Variants in TENM1 observed in about 807,000 individuals in gnomAD.
The protein encoded by TENM1 is teneurin transmembrane protein 1, also known as teneurin-1.
A neutral mutation model predicts 174.8 loss-of-function variants in TENM1; 35 were observed. The ratio of observed to expected loss-of-function variants is 0.20; its 90% CI spans 0.15 to 0.27. The LOEUF is 0.27. Ranked by LOEUF, TENM1 falls within the 10% of genes least tolerant of loss-of-function variation. The pLI, the probability that TENM1 is intolerant of heterozygous loss-of-function variation, is 1.00. For missense variants in TENM1, 1,633 were observed against 2,130.1 expected (o/e 0.77, Z 4.59); for synonymous variants, 781 against 798.7 (o/e 0.98, Z 0.37).
chrX:124,920,501 A>T (rs946921857), intron 1 of TENM1, among the ~76,000 whole-genome samples: 1 of 111,011 alleles, frequency 9.0e-6, no homozygotes, highest in Non-Finnish European at 1.9e-5. Flanking sequence ...ACCTTTCTGC[A>T]CTCTTGCTTT....
chrX:124,555,559 A>G (rs998936433), intron 14 of TENM1, among the ~76,000 whole-genome samples: 1 of 111,811 alleles, frequency 8.9e-6, no homozygotes, highest in Non-Finnish European at 1.9e-5. Context: ...ACTAAGAAGG[A>G]TAAGGCATCA....
At chrX:124,626,585 T>G (rs1258896112) in intron 11 of TENM1, among the ~76,000 whole-genome samples, 1 of 112,142 alleles carries the variant, frequency 8.9e-6, no homozygotes, top group Non-Finnish European at 1.9e-5. Flanking sequence ...CTTGTATATC[T>G]CCTGCCAAGG....
Position 124,378,087 on chromosome X carries a change from AG to A in TENM1, c.*2448del, listed in dbSNP as rs201988324. On this transcript the variant is annotated 3_prime_UTR_variant, in exon 32 of 32. Transcript: ENST00000422452. ...AAAACCACAGCTGTAAGTAATAAAA[AG>A]TGCATTTCCTGAATATAATACAAAT... 4 of 111,937 alleles carry A rather than the reference AG, an allele frequency of 3.6e-5. No homozygotes were observed. The East Asian group carries it at 1.1e-3, about 31-fold the overall frequency. 9.2% of individuals were successfully genotyped at this position (111,937 alleles called of 1,213,427 possible).
chrX:124,639,319 T>C (rs1569358343), intron 11 of TENM1, among the ~76,000 whole-genome samples: 1 of 111,890 alleles, frequency 8.9e-6, no homozygotes, highest in Admixed American at 9.5e-5. Context: ...GCCTGAAATG[T>C]TCGTTCCTCT....
At chrX:125,070,563 A>C in the TENM1 span, among the ~76,000 whole-genome samples, 1 of 111,630 alleles carries the variant, frequency 9.0e-6, no homozygotes, top group Admixed American at 9.6e-5. Flanking sequence ...GTTAAGGTTC[A>C]GGGGAGTAAA....
At chrX:124,443,377 G>GA in intron 23 of TENM1, among the ~76,000 whole-genome samples, 1 of 111,203 alleles carries the variant, frequency 9.0e-6, no homozygotes, top group East Asian at 2.8e-4. Flanking sequence ...CTGTTAAGGA[G>GA]AATGACGACA....
the TENM1 span, among the ~76,000 whole-genome samples, chrX:125,143,282 C>A: frequency 1.8e-5 from 2 of 111,601 alleles, no homozygotes; most frequent in South Asian, 3.8e-4. Context: ...TTTTATTCAG[C>A]CTCAAAGCAA....
At chrX:124,381,014 A>G (rs764383011) in exon 32 of TENM1, 1 of 1,211,568 alleles carries the variant, frequency 8.3e-7, no homozygotes, top group Non-Finnish European at 1.1e-6. Context: ...CCTCCCCTCT[A>G]TGGTAAAATG....
At chrX:124,435,373 T>C (rs1379272490) in intron 23 of TENM1, among the ~76,000 whole-genome samples, 3 of 112,136 alleles carry the variant, frequency 2.7e-5, no homozygotes, top group African/African-American at 6.5e-5. Context: ...GAAGTATGAC[T>C]GCACAGCTTT....
intron 18 of TENM1, among the ~76,000 whole-genome samples, chrX:124,508,640 C>T (rs889747829): frequency 2.7e-5 from 3 of 112,076 alleles, no homozygotes; most frequent in African/African-American, 9.7e-5. Flanking sequence ...AGGAGTGAGA[C>T]AGCTATGCAA....
the TENM1 span, among the ~76,000 whole-genome samples, chrX:124,983,944 A>AGTGTTT: frequency 2.7e-5 from 3 of 112,014 alleles, no homozygotes; most frequent in Non-Finnish European, 3.8e-5. Context: ...TGAAGGACAG[A>AGTGTTT]TATATAATCA....
At chrX:124,436,317 A>G (rs1028569648) in intron 23 of TENM1, among the ~76,000 whole-genome samples, 2 of 110,909 alleles carry the variant, frequency 1.8e-5, no homozygotes, top group Non-Finnish European at 3.8e-5. Flanking sequence ...CTGAGAAGCT[A>G]AAGGAGGGAG....
chrX:125,024,998 A>G, the TENM1 span, among the ~76,000 whole-genome samples: 2 of 111,572 alleles, frequency 1.8e-5, no homozygotes, highest in Non-Finnish European at 3.8e-5. Context: ...CTAGTTATCA[A>G]CAGGCAGTGT....
At chrX:124,617,524 C>G (rs1231755883) in intron 11 of TENM1, among the ~76,000 whole-genome samples, 1 of 111,659 alleles carries the variant, frequency 9.0e-6, no homozygotes, top group Non-Finnish European at 1.9e-5. Context: ...TAAAGGTTGG[C>G]AGGCTAGCCT....
chrX:124,705,001 A>T lies in TENM1; in HGVS notation c.1015+12T>A. 5 of 1,176,160 alleles carry T rather than the reference A, an allele frequency of 4.3e-6. No homozygotes were observed. The highest frequency in any genetic ancestry group is 5.8e-6 in the Non-Finnish European group (5 of 866,586). ...TTAAGAACAAAACTGAGGCATGACA[A>T]AAAGGACTTACCAATCACATAGGCT... On this transcript the variant is annotated intron_variant, in intron 5 of 31. Transcript: ENST00000422452.
At chrX:125,116,317 A>G in the TENM1 span, among the ~76,000 whole-genome samples, 1 of 112,362 alleles carries the variant, frequency 8.9e-6, no homozygotes, top group African/African-American at 3.2e-5. Flanking sequence ...CATTCAGGAC[A>G]TAGGCATGGA....
chrX:124,564,591 G>A (rs2048899784), intron 12 of TENM1, among the ~76,000 whole-genome samples: 2 of 111,512 alleles, frequency 1.8e-5, no homozygotes, highest in African/African-American at 6.5e-5. Context: ...CTGTATTAAT[G>A]ACAACCTTTC....
the TENM1 span, among the ~76,000 whole-genome samples, chrX:124,986,606 C>A: frequency 1.8e-5 from 2 of 111,763 alleles, no homozygotes; most frequent in African/African-American, 6.5e-5. Flanking sequence ...GGATGTGTCT[C>A]AGATCTCTCA....
chrX:124,608,781 CT>C (rs55733864), intron 11 of TENM1, among the ~76,000 whole-genome samples: 39,069 of 92,799 alleles, frequency 0.42, 8,039 homozygotes, highest in Non-Finnish European at 0.58. Flanking sequence ...GAAGAGTAAG[CT>C]TTTTTTTTTT....
Sources: gnomAD v4.1 joint callset for allele counts (sites outside exome capture counted in the v4.1 genomes callset) on GRCh38, gnomAD v4.1.1 for gene constraint, MANE v1.5 for transcripts, NCBI Gene and HGNC (gene_info 2026-07-23, HGNC 2026-07-21) for gene names.